The following SPG11 variants were observed in gnomAD, a reference collection of about 807,000 sequenced individuals.
SPG11 encodes the protein SPG11 vesicle trafficking associated, spatacsin.
SPG11 carries 222 observed loss-of-function variants against 274.0 expected under a neutral mutation model. The ratio of observed to expected loss-of-function variants is 0.81; its 90% CI spans 0.73 to 0.91. SPG11 has a LOEUF of 0.91. Ranked by LOEUF, SPG11 falls within the 40% of genes least tolerant of loss-of-function variation. SPG11 has a pLI of 0.00. For synonymous variants in SPG11, 1,144 were observed against 1,039.7 expected (o/e 1.10, Z -1.93); for missense variants, 3,114 against 2,872.7 (o/e 1.08, Z -1.92).
chr15:44,625,423 TC>T (rs2034332254), intron 11 of SPG11, among the ~76,000 whole-genome samples: 1 of 152,020 alleles, frequency 6.6e-6, no homozygotes, highest in African/African-American at 2.4e-5. Flanking sequence ...GGGGCGGATT[TC>T]CCCCTTGCTG....
intron 10 of SPG11, among the ~76,000 whole-genome samples, chr15:44,626,737 G>A (rs1389698492): frequency 1.3e-5 from 2 of 152,148 alleles, no homozygotes; most frequent in African/African-American, 4.8e-5. Context: ...TAAGGGCTGT[G>A]ATAAAAGTAA....
At chr15:44,618,435 G>A (rs1325420242) in intron 15 of SPG11, among the ~76,000 whole-genome samples, 2 of 149,682 alleles carry the variant, frequency 1.3e-5, no homozygotes, top group Non-Finnish European at 3.0e-5. Context: ...GGAGAATGAG[G>A]AGACCTGGGA....
At chr15:44,566,416 G>T in intron 36 of SPG11, 111 bp from the exon 37 acceptor site, 1 of 1,077,938 alleles carries the variant, frequency 9.3e-7, no homozygotes, top group Non-Finnish European at 1.4e-6. Context: ...ATGTTCACAG[G>T]CAGGCAGGAA....
chr15:44,601,638 A>ACTTC (rs1446990806), intron 20 of SPG11, among the ~76,000 whole-genome samples: 1 of 150,850 alleles, frequency 6.6e-6, no homozygotes, highest in Non-Finnish European at 1.5e-5. Flanking sequence ...GCTCACTGCA[A>ACTTC]CTTCCGCCTC....
intron 29 of SPG11, 137 bp from the exon 30 acceptor site, chr15:44,584,695 T>A: frequency 9.6e-7 from 1 of 1,044,712 alleles, no homozygotes; most frequent in Non-Finnish European, 1.4e-6. Context: ...GTGGTGGCGA[T>A]CACAGCACAC....
At chr15:44,601,471 G>C (rs2083186499) in intron 20 of SPG11, among the ~76,000 whole-genome samples, 1 of 151,752 alleles carries the variant, frequency 6.6e-6, no homozygotes, top group Non-Finnish European at 1.5e-5. Flanking sequence ...ATGTTGCCCA[G>C]GCTGGTCTCA....
At chr15:44,638,058 A>C (rs1258370287) in intron 7 of SPG11, among the ~76,000 whole-genome samples, 1 of 152,248 alleles carries the variant, frequency 6.6e-6, no homozygotes, top group African/African-American at 2.4e-5. Context: ...ATACATAATA[A>C]TGTCTAATGT....
At chr15:44,628,369 G>A (rs1278521563) in intron 10 of SPG11, among the ~76,000 whole-genome samples, 1 of 152,252 alleles carries the variant, frequency 6.6e-6, no homozygotes, top group Non-Finnish European at 1.5e-5. Context: ...TTGAGCCAAT[G>A]AGGGAGTATT....
chr15:44,620,806 C>T (rs1276256648), intron 14 of SPG11: 2 of 167,768 alleles, frequency 1.2e-5, no homozygotes, highest in Non-Finnish European at 2.6e-5. Context: ...TCAAGCGATT[C>T]TCCTGCCTCG....
Position 44,569,521 on chromosome 15 carries a change from A to T in SPG11, c.6478-16T>A, listed in dbSNP as rs2140921097. 2 of 1,555,966 alleles carry T rather than the reference A, an allele frequency of 1.3e-6. No individual in the cohort carries two copies. The highest frequency in any genetic ancestry group is 1.7e-6 in the Non-Finnish European group (2 of 1,143,328). On this transcript the variant is annotated splice_polypyrimidine_tract_variant and intron_variant, in intron 34 of 39. Transcript: ENST00000261866. ...GGAGCCGTACCTGTGAAGTGGGAGG[A>T]CAGCTCGCATCAGCATCACCTGGAG...
intron 30 of SPG11, among the ~76,000 whole-genome samples, chr15:44,583,061 G>A (rs370459249): frequency 1.3e-4 from 19 of 151,046 alleles, no homozygotes; most frequent in African/African-American, 4.2e-4. Flanking sequence ...CATACAGATT[G>A]GAAAGGCAGA....
rs2083494505 is a variant in SPG11 at position 44,612,762 on chromosome 15, T to G, written c.3145+668A>C. ...TTTTTTAACAATGAACATATATTACTTCATAATCAGCATGCAAAACCAAAA... is the reference window on the plus strand; with the variant it reads ...TTTTTTAACAATGAACATATATTACGTCATAATCAGCATGCAAAACCAAAA... On this transcript the variant is annotated intron_variant, in intron 17 of 39. Transcript: ENST00000261866. 3.3e-5 allele frequency among the ~76,000 whole-genome samples: 5 copies of G among 152,168 alleles called. No individual in the cohort carries two copies. The South Asian group carries it at 1.0e-3, about 32-fold the overall frequency.
intron 9 of SPG11, 73 bp downstream of exon 9, chr15:44,629,160 C>T (rs1441753204): frequency 6.5e-7 from 1 of 1,530,154 alleles, no homozygotes; most frequent in Admixed American, 1.7e-5. Context: ...TGCTGTGTCA[C>T]CCAATAGCAG....
At chr15:44,657,390 C>A in intron 3 of SPG11, 94 bp from the exon 4 acceptor site, 3 of 1,163,296 alleles carry the variant, frequency 2.6e-6, no homozygotes, top group Non-Finnish European at 2.5e-6. Flanking sequence ...TTTATCACTC[C>A]AATTTTGTAG....
intron 31 of SPG11, among the ~76,000 whole-genome samples, chr15:44,574,316 ATAT>A (rs1163786460): frequency 6.6e-6 from 1 of 152,196 alleles, no homozygotes; most frequent in African/African-American, 2.4e-5. Flanking sequence ...ATTTTTAAAA[ATAT>A]TATGAAATGT....
chr15:44,615,963 A>T (rs2083583018), intron 15 of SPG11, among the ~76,000 whole-genome samples: 2 of 152,210 alleles, frequency 1.3e-5, no homozygotes, highest in Admixed American at 6.5e-5. Flanking sequence ...ATTTAAATAG[A>T]CCTACTGAAC....
chr15:44,600,715 A>G, intron 20 of SPG11, 83 bp from the exon 21 acceptor site: 1 of 1,425,734 alleles, frequency 7.0e-7, no homozygotes, highest in Admixed American at 1.7e-5. Flanking sequence ...CTCTAATGAT[A>G]AAACTGGTTG....
intron 30 of SPG11, among the ~76,000 whole-genome samples, chr15:44,579,997 C>G (rs531627930): frequency 1.3e-5 from 2 of 151,874 alleles, no homozygotes; most frequent in South Asian, 4.1e-4. Flanking sequence ...CATTTACTTA[C>G]CACTTAGTGA....
intron 17 of SPG11, among the ~76,000 whole-genome samples, chr15:44,611,938 C>T (rs1191866788): frequency 6.6e-6 from 1 of 151,022 alleles, no homozygotes; most frequent in African/African-American, 2.4e-5. Flanking sequence ...CCCAAGTAGC[C>T]GGGACTACAG....
Sources: allele counts gnomAD v4.1 joint callset (sites outside exome capture counted in the v4.1 genomes callset), GRCh38; gene constraint gnomAD v4.1.1; transcripts MANE v1.5; gene names NCBI Gene and HGNC (gene_info 2026-07-23, HGNC 2026-07-21).